Variants in TRABD2B observed in about 807,000 individuals in gnomAD.
TRABD2B encodes the protein metalloprotease TIKI2.
Under a neutral mutation model 40.1 loss-of-function variants are expected in TRABD2B, and 14 were observed. That is an observed-to-expected ratio of 0.35 (90% CI 0.23 to 0.55). The LOEUF is 0.55. Among genes scored for constraint, TRABD2B ranks in the 20% least tolerant of loss-of-function variants. The probability of loss-of-function intolerance (pLI) is 0.90; values close to 1 mark genes in which losing one functional copy is unlikely to be tolerated. For missense variants in TRABD2B, 541 were observed against 648.6 expected, an observed-to-expected ratio of 0.83 and a Z score of 1.80; for synonymous variants, 263 against 277.0, an observed-to-expected ratio of 0.95 and a Z score of 0.50.
chr1:47,766,956 C>T (rs1446529439), intron 6 of TRABD2B, among the ~76,000 whole-genome samples: 1 of 152,160 alleles, frequency 6.6e-6, no homozygotes, highest in Admixed American at 6.5e-5. Context: ...GGAAGCTGAC[C>T]TGAGCCCAGC....
At chr1:47,993,731 C>T (rs1646046354) in intron 2 of TRABD2B, among the ~76,000 whole-genome samples, 1 of 152,200 alleles carries the variant, frequency 6.6e-6, no homozygotes, top group African/African-American at 2.4e-5. Flanking sequence ...CTCTGATGCT[C>T]TGAGGGAAAT....
intron 4 of TRABD2B, among the ~76,000 whole-genome samples, chr1:47,784,762 G>A (rs1275663954): frequency 3.3e-5 from 5 of 152,186 alleles, no homozygotes; most frequent in East Asian, 3.9e-4. Flanking sequence ...TGGCAGAGCC[G>A]AGCTTCCTTT....
intron 2 of TRABD2B, among the ~76,000 whole-genome samples, chr1:47,840,199 C>T (rs751133002): frequency 2.0e-5 from 3 of 152,266 alleles, no homozygotes; most frequent in African/African-American, 4.8e-5. Context: ...AAGTTAAGCA[C>T]GCTCACTCCA....
chr1:47,930,504 C>T (rs1476091505), intron 2 of TRABD2B, among the ~76,000 whole-genome samples: 1 of 152,136 alleles, frequency 6.6e-6, no homozygotes, highest in East Asian at 1.9e-4. Context: ...GATAGTAAAC[C>T]AGGCCTGCTC....
At chr1:47,934,765 C>G (rs1258061754) in intron 2 of TRABD2B, among the ~76,000 whole-genome samples, 1 of 152,176 alleles carries the variant, frequency 6.6e-6, no homozygotes, top group Non-Finnish European at 1.5e-5. Context: ...AGGCCAGACA[C>G]AGGGCTTAGA....
intron 2 of TRABD2B, among the ~76,000 whole-genome samples, chr1:47,986,754 C>T (rs1645924133): frequency 6.6e-6 from 1 of 152,130 alleles, no homozygotes; most frequent in Admixed American, 6.5e-5. Flanking sequence ...GCAGAAGCAA[C>T]GGCGTTTCCA....
At chr1:47,951,180 T>C (rs1271559451) in intron 2 of TRABD2B, among the ~76,000 whole-genome samples, 1 of 152,094 alleles carries the variant, frequency 6.6e-6, no homozygotes, top group Non-Finnish European at 1.5e-5. Context: ...GCAGGCCCAC[T>C]GCACCAGAGG....
intron 2 of TRABD2B, among the ~76,000 whole-genome samples, chr1:47,962,260 G>GC (rs1645531699): frequency 2.0e-5 from 3 of 152,240 alleles, no homozygotes; most frequent in South Asian, 2.1e-4. Context: ...TATACCTAAT[G>GC]TAAATGACGA....
Position 47,762,830 on chromosome 1 carries a change from G to A in TRABD2B, c.*3072C>T, listed in dbSNP as rs1440976620. The A allele has an allele frequency of 6.6e-6, 1 of 152,090 alleles. No homozygotes were observed. The highest frequency in any genetic ancestry group is 1.5e-5 in the Non-Finnish European group (1 of 68,032). The allele number at this position is 152,090 out of a possible 1,614,324, so 9.4% of individuals were successfully genotyped here. On this transcript the variant is annotated 3_prime_UTR_variant, in exon 7 of 7. Coordinates refer to ENST00000606738, the MANE Select transcript of TRABD2B (RefSeq NM_001194986.2). ...GACCCACCACTGGAGGAAGACCTGGGGACATGGCCATTCCAACATGCCCCA... is the reference window on the plus strand; with the variant it reads ...GACCCACCACTGGAGGAAGACCTGGAGACATGGCCATTCCAACATGCCCCA...
chr1:47,878,317 C>T (rs1238429879), intron 2 of TRABD2B, among the ~76,000 whole-genome samples: 4 of 152,064 alleles, frequency 2.6e-5, no homozygotes, highest in African/African-American at 7.2e-5. Context: ...CTCTCCCCTG[C>T]ACCCCCCAAA....
intron 2 of TRABD2B, among the ~76,000 whole-genome samples, chr1:47,882,229 C>T (rs1570200886): frequency 6.6e-6 from 1 of 152,368 alleles, no homozygotes; most frequent in Non-Finnish European, 1.5e-5. Flanking sequence ...CACATCCTGC[C>T]TCATGCTCCC....
chr1:47,886,652 G>A (rs531540759), intron 2 of TRABD2B, among the ~76,000 whole-genome samples: 12 of 152,142 alleles, frequency 7.9e-5, no homozygotes, highest in East Asian at 3.9e-4. Context: ...TTGTTCATTC[G>A]TTCATTCATT....
At chr1:47,880,810 C>T (rs529101377) in intron 2 of TRABD2B, among the ~76,000 whole-genome samples, 2 of 152,202 alleles carry the variant, frequency 1.3e-5, no homozygotes, top group South Asian at 4.1e-4. Context: ...TGAGGGCCAA[C>T]CTGAACTTTC....
At chr1:47,830,941 G>C (rs1294361212) in intron 2 of TRABD2B, among the ~76,000 whole-genome samples, 1 of 152,244 alleles carries the variant, frequency 6.6e-6, no homozygotes, top group African/African-American at 2.4e-5. Context: ...AGCAGAGAGA[G>C]AGAAAGGCAG....
chr1:47,862,834 T>G (rs961030209), intron 2 of TRABD2B, among the ~76,000 whole-genome samples: 2 of 152,126 alleles, frequency 1.3e-5, no homozygotes, highest in African/African-American at 4.8e-5. Flanking sequence ...TCAAGACTTA[T>G]TATAAAGCTA....
chr1:47,942,573 G>A (rs1645202467), intron 2 of TRABD2B, among the ~76,000 whole-genome samples: 1 of 152,042 alleles, frequency 6.6e-6, no homozygotes, highest in African/African-American at 2.4e-5. Flanking sequence ...CCCACCTACT[G>A]CCCTCCTGAT....
intron 2 of TRABD2B, among the ~76,000 whole-genome samples, chr1:47,957,721 A>G (rs1434104500): frequency 6.6e-6 from 1 of 152,250 alleles, no homozygotes; most frequent in Non-Finnish European, 1.5e-5. Context: ...AAAAGACCAA[A>G]TCTACATCTG....
intron 2 of TRABD2B, among the ~76,000 whole-genome samples, chr1:47,939,187 G>A (rs1040474883): frequency 2.6e-5 from 4 of 151,736 alleles, no homozygotes; most frequent in Admixed American, 6.6e-5. Context: ...TTCCACTTTC[G>A]ATTAGGGTAT....
At chr1:47,768,513 G>A (rs1047248503) in intron 6 of TRABD2B, among the ~76,000 whole-genome samples, 4 of 151,934 alleles carry the variant, frequency 2.6e-5, no homozygotes, top group African/African-American at 7.3e-5. Flanking sequence ...ACTCACCTTC[G>A]AAGGCCAGAC....
Sources: gnomAD v4.1 joint callset for allele counts (sites outside exome capture counted in the v4.1 genomes callset) on GRCh38, gnomAD v4.1.1 for gene constraint, MANE v1.5 for transcripts, NCBI Gene and HGNC (gene_info 2026-07-23, HGNC 2026-07-21) for gene names.